Variants in RBM12B observed in about 807,000 individuals in gnomAD.
The protein encoded by RBM12B is RNA-binding protein 12B.
In RBM12B, 10 loss-of-function variants were observed where a neutral mutation model predicts 34.3. The observed-to-expected ratio is 0.29, with a 90% confidence interval of 0.18 to 0.49. The LOEUF (loss-of-function observed/expected upper bound fraction) is 0.49. RBM12B is among the 20% of genes least tolerant of loss of function. The pLI, the probability that RBM12B is intolerant of heterozygous loss-of-function variation, is 0.99. For synonymous variants in RBM12B, 477 were observed against 437.1 expected (o/e 1.09, Z -1.14); for missense variants, 1,139 against 1,262.7 (o/e 0.90, Z 1.48).
rs1259314269 is a variant in RBM12B at position 93,730,910 on chromosome 8, AC to A, written c.*2494del. 1 of 152,250 alleles carries A rather than the reference AC, an allele frequency of 6.6e-6. No homozygotes were observed. The highest frequency in any genetic ancestry group is 1.5e-5 in the Non-Finnish European group (1 of 68,048). 9.4% of individuals were successfully genotyped at this position (152,250 alleles called of 1,614,324 possible). The stretch of plus-strand genomic sequence containing the variant: ...ACAGTGGCTCACACCTGTAATCCCA[AC>A]ACATTCTGGGAGACCAAGGAGTGAG... On this transcript the variant is annotated 3_prime_UTR_variant, in exon 4 of 4. Coordinates refer to ENST00000520560, the MANE Select transcript of RBM12B (RefSeq NM_001377960.1).
At chr8:93,738,598 G>A (rs55987902) in intron 2 of RBM12B, among the ~76,000 whole-genome samples, 56,864 of 151,844 alleles carry the variant, frequency 0.37, 11,324 homozygotes, top group East Asian at 0.5. Context: ...CAGTAGCTGG[G>A]ACTACAGGTG....
chr8:93,732,106 T>C lies in RBM12B; in HGVS notation c.*1299A>G, dbSNP rs558927810. 4.6e-5 allele frequency: 7 copies of C among 152,332 alleles called. No individual in the cohort carries two copies. The highest frequency in any genetic ancestry group is 2.1e-4 in the South Asian group (1 of 4,830). 9.4% of individuals were successfully genotyped at this position (152,332 alleles called of 1,614,324 possible). A position where few individuals can be genotyped will look rare whatever the true frequency, so the allele number is the denominator to read the frequency against. On this transcript the variant is annotated 3_prime_UTR_variant, in exon 4 of 4. Transcript: ENST00000520560. The stretch of plus-strand genomic sequence containing the variant: ...AGTCAGTGGTCTGTCTGGGTTAAAA[T>C]TGGCCCCACGATTTACTACCTATGA...
intron 2 of RBM12B, among the ~76,000 whole-genome samples, 195 bp from the exon 3 acceptor site, chr8:93,737,550 A>G (rs943268166): frequency 1.3e-5 from 2 of 152,190 alleles, no homozygotes; most frequent in Non-Finnish European, 2.9e-5. Flanking sequence ...GAGATACAAT[A>G]TCCAAATAGA....
chr8:93,729,049 G>C lies in RBM12B; in HGVS notation c.*4356C>G, dbSNP rs1475848056. The C allele has an allele frequency of 6.6e-6, 1 of 152,034 alleles. No homozygotes were observed. The highest frequency in any genetic ancestry group is 6.6e-5 in the Admixed American group (1 of 15,264). 9.4% of individuals were successfully genotyped at this position (152,034 alleles called of 1,614,324 possible). A position where few individuals can be genotyped will look rare whatever the true frequency, so the allele number is the denominator to read the frequency against. On this transcript the variant is annotated 3_prime_UTR_variant, in exon 4 of 4. Coordinates refer to ENST00000520560, the MANE Select transcript of RBM12B (RefSeq NM_001377960.1). ...CCAAGCTACCATATAGTTAATAAAA[G>C]GGTATACAGTCACTTTTATTTCTGA...
intron 2 of RBM12B, among the ~76,000 whole-genome samples, chr8:93,738,117 A>T (rs1242960448): frequency 6.6e-6 from 1 of 152,234 alleles, no homozygotes; most frequent in Non-Finnish European, 1.5e-5. Flanking sequence ...AGTATAATTA[A>T]GGCAAATACT....
At position 93,734,609 on chromosome 8, in the gene RBM12B, T is replaced by C. The variant is rs1474310217; in HGVS notation, c.1802A>G (p.Glu601Gly). ...ATCCTCCGGAGGGCGCCTGAAATCT[T>C]CCTCCCAAGGGCGCCTGAAGTCCTC... ...SEEDFRRPWE[E>G]DFRRPPEDDF... Residue 601 changes from glutamate (E) to glycine (G), a missense_variant, in exon 4 of 4, where the codon GAA becomes GGA. Glu to Gly is a moderately conservative substitution (Grantham distance 98, BLOSUM62 -2). Transcript: ENST00000520560. 8.7e-6 allele frequency: 14 copies of C among 1,613,100 alleles called. No individual in the cohort carries two copies. Among genetic ancestry groups the C allele is most frequent in the African/African-American group, 4.0e-5 (3 of 74,662 alleles).
Position 93,733,827 on chromosome 8 carries a change from G to C in RBM12B, c.2584C>G (p.Pro862Ala). 1 of 1,614,116 alleles carries C rather than the reference G, an allele frequency of 6.2e-7. No individual in the cohort carries two copies. The highest frequency in any genetic ancestry group is 8.5e-7 in the Non-Finnish European group (1 of 1,180,032). ...TCACCAGGAGGTCTAAAATTGTCAG[G>C]AAGTCTAGGGTCCTCCTCCGGAGCT... ...REAPEEDPRL[P>A]DNFRPPGEDF... Residue 862 changes from proline to alanine, a missense_variant, in exon 4 of 4, where the codon CCT (proline) becomes GCT (alanine). By Grantham distance (27) the Pro-to-Ala change is conservative (BLOSUM62 -1). Around this residue, in one of 3 missense-constraint regions of RBM12B, gnomAD observed 863 missense variants for 869.5 expected, o/e 0.99. Transcript: ENST00000520560.
chr8:93,740,323 C>T (rs768856955), intron 2 of RBM12B: 3 of 457,198 alleles, frequency 6.6e-6, no homozygotes, highest in East Asian at 6.9e-5. Flanking sequence ...AGCCCAAAGC[C>T]TTTGTCCACA....
At position 93,736,446 on chromosome 8, in the gene RBM12B, CAA is replaced by C. The variant is rs1563663764; in HGVS notation, c.-28-10_-28-9del. On this transcript the variant is annotated splice_polypyrimidine_tract_variant and intron_variant, in intron 3 of 3. Coordinates refer to ENST00000520560, the MANE Select transcript of RBM12B (RefSeq NM_001377960.1). ...AACCACAGCAATAATGACCTGCAGA[CAA>C]AAAGGTACACATAATAGCAAGTCTT... is the stretch of plus-strand genomic sequence containing the variant. 6.6e-7 allele frequency: 1 copy of C among 1,510,962 alleles called. No individual in the cohort carries two copies. The highest frequency in any genetic ancestry group is 2.2e-5 in the Admixed American group (1 of 44,680). The allele number at this position is 1,510,962 out of a possible 1,614,324, so 93.6% of individuals were successfully genotyped here.
At position 93,732,468 on chromosome 8, in the gene RBM12B, T is replaced by A. The variant is rs529766163; in HGVS notation, c.*937A>T. On this transcript the variant is annotated 3_prime_UTR_variant, in exon 4 of 4. Transcript: ENST00000520560. Reference sequence around the variant, plus strand: ...AGAACCTAATATTACATGCAAGTTATGTGACTCATCAGTAAATTCTTCCTA... The same window carrying A: ...AGAACCTAATATTACATGCAAGTTAAGTGACTCATCAGTAAATTCTTCCTA... 6.6e-6 allele frequency: 1 copy of A among 152,364 alleles called. No individual in the cohort carries two copies. Among genetic ancestry groups the A allele is most frequent in the East Asian group, 1.9e-4 (1 of 5,192 alleles). 9.4% of individuals were successfully genotyped at this position (152,364 alleles called of 1,614,324 possible). A position where few individuals can be genotyped will look rare whatever the true frequency, so the allele number is the denominator to read the frequency against.
rs1812016798 is a variant in RBM12B, at chr8:93,736,217, T to C, written c.194A>G (p.Lys65Arg). 6.2e-7 allele frequency: 1 copy of C among 1,614,122 alleles called. No individual in the cohort carries two copies. Among genetic ancestry groups the C allele is most frequent in the Admixed American group, 1.7e-5 (1 of 60,010 alleles). The change falls in exon 4 of 4, where the codon AAG becomes AGG. Residue 65 changes from lysine (K) to arginine (R), a missense_variant. Transcript: ENST00000520560. ...RAISRSGGFIKDSSVELFLSS... is the reference protein window; with the variant it reads ...RAISRSGGFIRDSSVELFLSS... ...AAGAAAGAGCTCTACAGATGAATCC[T>C]TGATAAACCCTCCTGAACGACTTAT... is the stretch of plus-strand genomic sequence containing the variant.
Position 93,728,513 on chromosome 8 carries a change from TGTAA to T in RBM12B, c.*4888_*4891del, listed in dbSNP as rs957734840. 37 of 382,702 alleles carry T rather than the reference TGTAA, an allele frequency of 9.7e-5. No homozygotes were observed. Among genetic ancestry groups the T allele is most frequent in the Middle Eastern group, 1.4e-3 (2 of 1,418 alleles). 23.7% of individuals were successfully genotyped at this position (382,702 alleles called of 1,614,324 possible). The stretch of plus-strand genomic sequence containing the variant: ...CCTACCTAGTGTTACATGATTTTTG[TGTAA>T]GTGCCTTTTTTTTTAAAGATGGTGT... On this transcript the variant is annotated 3_prime_UTR_variant, in exon 4 of 4. Transcript: ENST00000520560.
rs775357947 is a variant in RBM12B at position 93,733,788 on chromosome 8, G to A, written c.2623C>T (p.Pro875Ser). 11 of 1,613,986 alleles carry A rather than the reference G, an allele frequency of 6.8e-6. No homozygotes were observed. In the African/African-American group the frequency reaches 1.1e-4, roughly 16 times the overall value. Reference sequence around the variant, plus strand: ...CGGTGACTTCTAAAATCATCAGGCGGGCTCCTAAAATCCTCACCAGGAGGT... The same window carrying A: ...CGGTGACTTCTAAAATCATCAGGCGAGCTCCTAAAATCCTCACCAGGAGGT... ...FRPPGEDFRS[P>S]PDDFRSHRPF... is the part of the protein sequence containing the mutation. The change falls in exon 4 of 4, where the codon CCG (proline) becomes TCG (serine). Residue 875 changes from proline (P) to serine (S), a missense_variant. This residue lies in a region of RBM12B where 863 missense variants were observed against 869.5 expected (regional missense o/e 0.99). Coordinates refer to ENST00000520560, the MANE Select transcript of RBM12B (RefSeq NM_001377960.1).
At position 93,731,257 on chromosome 8, in the gene RBM12B, G is replaced by C. The variant is rs911158214; in HGVS notation, c.*2148C>G. ...GCCCAGTTTGAAATGCAATTCCACA[G>C]TAAGTAATCCCTCACGTTAAGCTTC... On this transcript the variant is annotated 3_prime_UTR_variant, in exon 4 of 4. Coordinates refer to ENST00000520560, the MANE Select transcript of RBM12B (RefSeq NM_001377960.1). 1 of 152,204 alleles carries C rather than the reference G, an allele frequency of 6.6e-6. No individual in the cohort carries two copies. Among genetic ancestry groups the C allele is most frequent in the Non-Finnish European group, 1.5e-5 (1 of 68,034 alleles). The allele number at this position is 152,204 out of a possible 1,614,324, so 9.4% of individuals were successfully genotyped here. A position where few individuals can be genotyped will look rare whatever the true frequency, so the allele number is the denominator to read the frequency against.
Position 93,736,210 on chromosome 8 carries a change from T to G in RBM12B, c.201A>C (p.Ser67=). ...TGCTACTAAGAAAGAGCTCTACAGA[T>G]GAATCCTTGATAAACCCTCCTGAAC... ...ISRSGGFIKD[S]SVELFLSSKA... The change falls in exon 4 of 4, where the codon TCA becomes TCC. Residue 67 remains serine, a synonymous_variant. Coordinates refer to ENST00000520560, the MANE Select transcript of RBM12B (RefSeq NM_001377960.1). 1.9e-6 allele frequency: 3 copies of G among 1,614,232 alleles called. No individual in the cohort carries two copies. The highest frequency in any genetic ancestry group is 1.7e-6 in the Non-Finnish European group (2 of 1,180,032).
Position 93,734,252 on chromosome 8 carries a change from T to C in RBM12B, c.2159A>G (p.Gln720Arg). 2 of 1,612,840 alleles carry C rather than the reference T, an allele frequency of 1.2e-6. No individual in the cohort carries two copies. Among genetic ancestry groups the C allele is most frequent in the South Asian group, 2.2e-5 (2 of 90,906 alleles). Residue 720 changes from glutamine (Q) to arginine (R), a missense_variant, in exon 4 of 4, where the codon CAG (glutamine) becomes CGG (arginine). By Grantham distance (43) the Gln-to-Arg change is conservative. Coordinates refer to ENST00000520560, the MANE Select transcript of RBM12B (RefSeq NM_001377960.1). ...CTGAGGTGGCCTCCGGAAATGCTCC[T>C]GGGGTGACTGCCTGAAGTCCTCCTC... ...SPEEDFRQSP[Q>R]EHFRRPPQEH...
chr8:93,734,118 G>A lies in RBM12B; in HGVS notation c.2293C>T (p.Arg765Trp), dbSNP rs772684843. The A allele has an allele frequency of 1.3e-6, 2 of 1,558,004 alleles. No homozygotes were observed. The highest frequency in any genetic ancestry group is 1.7e-6 in the Non-Finnish European group (2 of 1,154,010). Residue 765 changes from arginine (R) to tryptophan (W), a missense_variant, in exon 4 of 4, where the codon CGG becomes TGG. Around this residue, in one of 3 missense-constraint regions of RBM12B, gnomAD observed 863 missense variants for 869.5 expected, o/e 0.99. Coordinates refer to ENST00000520560, the MANE Select transcript of RBM12B (RefSeq NM_001377960.1). ...CGCCTGAAATGCTCTGGGGGTGGCCGCCTGAAGTGCTCTGGGGGTGGCCGC... is the reference window on the plus strand; with the variant it reads ...CGCCTGAAATGCTCTGGGGGTGGCCACCTGAAGTGCTCTGGGGGTGGCCGC... ...FRRPPPEHFR[R>W]PPPEHFRRPP...
Position 93,734,922 on chromosome 8 carries a change from C to A in RBM12B, c.1489G>T (p.Ala497Ser). ...CCTCGCTCACGTGACTGTGAGCGAG[C>A]TTGCATTTTTTCACTGGACATCACA... Reference protein sequence around the residue: ...FSVMSSEKMQARSQSRERGDH... With the variant: ...FSVMSSEKMQSRSQSRERGDH... The change falls in exon 4 of 4, where the codon GCT becomes TCT. Residue 497 changes from alanine to serine, a missense_variant. Ala to Ser is a moderately conservative substitution (Grantham distance 99, BLOSUM62 1). Transcript: ENST00000520560. 6.2e-7 allele frequency: 1 copy of A among 1,613,922 alleles called. No individual in the cohort carries two copies. The highest frequency in any genetic ancestry group is 8.5e-7 in the Non-Finnish European group (1 of 1,179,932).
intron 3 of RBM12B, among the ~76,000 whole-genome samples, chr8:93,736,784 T>G (rs1276463339): frequency 6.6e-6 from 1 of 152,242 alleles, no homozygotes; most frequent in African/African-American, 2.4e-5. Context: ...TATCTTCTAC[T>G]GAAACATGAG....
Sources: gnomAD v4.1 joint callset for allele counts (sites outside exome capture counted in the v4.1 genomes callset) on GRCh38, gnomAD v4.1.1 for gene constraint, gnomAD v4.1.1 regional missense constraint, MANE v1.5 for transcripts, NCBI Gene and HGNC (gene_info 2026-07-23, HGNC 2026-07-21) for gene names.